FBXL4: variants seen among roughly 807,000 people sequenced by gnomAD.
FBXL4 encodes the protein F-box/LRR-repeat protein 4.
Under a neutral mutation model 58.9 loss-of-function variants are expected in FBXL4, and 40 were observed. The observed-to-expected ratio is 0.68, with a 90% CI of 0.53 to 0.88. The LOEUF is 0.88. FBXL4 is among the 40% of genes least tolerant of loss of function. The probability of loss-of-function intolerance (pLI) is 0.00; values close to 1 mark genes in which losing one functional copy is unlikely to be tolerated. For synonymous variants in FBXL4, 263 were observed against 265.5 expected (o/e 0.99, Z 0.09); for missense variants, 676 against 734.4 (o/e 0.92, Z 0.92).
intron 1 of FBXL4, among the ~76,000 whole-genome samples, chr6:98,938,510 T>C (rs1425709708): frequency 6.6e-6 from 1 of 152,176 alleles, no homozygotes; most frequent in Non-Finnish European, 1.5e-5. Context: ...GACAAAGCAT[T>C]GATGAAATCA....
In FBXL4 at chr6:98,874,452, G is replaced by A. The variant is rs769278051; in HGVS notation, c.1703-11C>T. On this transcript the variant is annotated splice_polypyrimidine_tract_variant and intron_variant, in intron 9 of 9. Transcript: ENST00000369244. ...TTACCATTCTTGTTCCTATTTAAGGGAAACAAAACAAAACAAAACAAAACA... is the reference window on the plus strand; with the variant it reads ...TTACCATTCTTGTTCCTATTTAAGGAAAACAAAACAAAACAAAACAAAACA... The A allele has an allele frequency of 3.8e-6, 6 of 1,595,008 alleles. No homozygotes were observed. The South Asian group carries it at 5.7e-5, about 15-fold the overall frequency.
Position 98,917,461 on chromosome 6 carries a change from A to G in FBXL4, c.771T>C (p.Cys257=). 6.2e-7 allele frequency: 1 copy of G among 1,614,080 alleles called. No homozygotes were observed. Among genetic ancestry groups the G allele is most frequent in the African/African-American group, 1.3e-5 (1 of 75,040 alleles). The change falls in exon 5 of 10, where the codon TGT becomes TGC. Residue 257 remains cysteine (C), a synonymous_variant. Transcript: ENST00000369244. The part of the protein sequence containing the change: ...EDDAYAEKDG[C]GMDSLNKKFS... Reference sequence around the variant, plus strand: ...ACTTTTTGTTAAGACTGTCCATTCCACAACCATCCTTTTCTGCATAGGCAT... The same window carrying G: ...ACTTTTTGTTAAGACTGTCCATTCCGCAACCATCCTTTTCTGCATAGGCAT...
intron 8 of FBXL4, among the ~76,000 whole-genome samples, chr6:98,877,103 C>T (rs555789012): frequency 2.0e-5 from 3 of 152,078 alleles, no homozygotes; most frequent in South Asian, 4.1e-4. Context: ...TGAAGAAATC[C>T]GACAGATTTG....
At chr6:98,924,886 A>G (rs566065740) in intron 4 of FBXL4, among the ~76,000 whole-genome samples, 1 of 152,280 alleles carries the variant, frequency 6.6e-6, no homozygotes, top group East Asian at 1.9e-4. Context: ...CTACAGTTGA[A>G]CAGGTGCCCT....
intron 7 of FBXL4, among the ~76,000 whole-genome samples, chr6:98,891,149 C>T (rs1037316792): frequency 6.6e-6 from 1 of 152,110 alleles, no homozygotes; most frequent in South Asian, 2.1e-4. Flanking sequence ...ATAATATTGT[C>T]TTTCACAACT....
intron 7 of FBXL4, among the ~76,000 whole-genome samples, chr6:98,895,523 T>C (rs1771380117): frequency 6.6e-6 from 1 of 152,202 alleles, no homozygotes; most frequent in South Asian, 2.1e-4. Context: ...TGCTTTTATA[T>C]ATGTTATAAT....
chr6:98,922,014 G>A (rs888869350), intron 4 of FBXL4, among the ~76,000 whole-genome samples: 4 of 151,946 alleles, frequency 2.6e-5, no homozygotes, highest in Non-Finnish European at 4.4e-5. Context: ...TGCAACCTCC[G>A]CCTTCTGGTT....
intron 6 of FBXL4, among the ~76,000 whole-genome samples, chr6:98,901,336 A>G (rs1771603321): frequency 6.6e-6 from 1 of 152,034 alleles, no homozygotes; most frequent in African/African-American, 2.4e-5. Context: ...CAGGATAACA[A>G]GCAGAGTGAA....
chr6:98,872,381 T>C lies in FBXL4; in HGVS notation c.*1897A>G, dbSNP rs1770513998. 6.6e-6 allele frequency: 1 copy of C among 152,198 alleles called. No individual in the cohort carries two copies. Among genetic ancestry groups the C allele is most frequent in the Admixed American group, 6.5e-5 (1 of 15,284 alleles). 9.4% of individuals were successfully genotyped at this position (152,198 alleles called of 1,614,324 possible). On this transcript the variant is annotated 3_prime_UTR_variant, in exon 10 of 10. Transcript: ENST00000369244. ...ATGGATTAATGTAAGTATTTGACAA[T>C]ACCTATCTGCAAGGAATTTTCAGAA...
chr6:98,944,636 T>C (rs1397227346), intron 1 of FBXL4, among the ~76,000 whole-genome samples: 2 of 152,206 alleles, frequency 1.3e-5, no homozygotes, highest in Non-Finnish European at 2.9e-5. Flanking sequence ...GTGGTGTTTA[T>C]ATAGCAAATA....
At chr6:98,883,568 T>A (rs1422557273) in intron 7 of FBXL4, among the ~76,000 whole-genome samples, 1 of 152,004 alleles carries the variant, frequency 6.6e-6, no homozygotes, top group Non-Finnish European at 1.5e-5. Context: ...TTTTTGCACT[T>A]AGGTTTTTAA....
rs925773064 is a variant in FBXL4, at chr6:98,899,612, T to C, written c.1104-131A>G. 3.9e-5 allele frequency: 45 copies of C among 1,162,514 alleles called. No homozygotes were observed. In the East Asian group the frequency reaches 1.1e-3, roughly 27 times the overall value. 72.0% of individuals were successfully genotyped at this position (1,162,514 alleles called of 1,614,324 possible). ...TCTATTAGGGAAAATGTAAAATTTG[T>C]TTTGCTTAAATTCTTATTCACTGCA... On this transcript the variant is annotated intron_variant, in intron 6 of 9. Coordinates refer to ENST00000369244, the MANE Select transcript of FBXL4 (RefSeq NM_001278716.2).
At chr6:98,894,584 C>T (rs1771347899) in intron 7 of FBXL4, among the ~76,000 whole-genome samples, 4 of 152,188 alleles carry the variant, frequency 2.6e-5, no homozygotes, top group Admixed American at 2.6e-4. Context: ...CACCCTCCAA[C>T]TAAGGACAAG....
intron 7 of FBXL4, among the ~76,000 whole-genome samples, 191 bp from the exon 8 acceptor site, chr6:98,880,815 G>C (rs1010221773): frequency 1.3e-5 from 2 of 152,080 alleles, no homozygotes; most frequent in African/African-American, 4.8e-5. Context: ...TTGGAGTCAA[G>C]GTAATCATTA....
rs195831 is a variant in FBXL4, at chr6:98,880,854, G to A, written c.1318-230C>T. On this transcript the variant is annotated intron_variant, in intron 7 of 9. Transcript: ENST00000369244. ...GTCTCCATGTAAGTAATCACTTTGT[G>A]TATGGTTTTGGATGCCCTAAAGATA... Among the ~76,000 whole-genome samples, 104,376 of 151,998 alleles carry A rather than the reference G, an allele frequency of 0.69. 36,684 individuals are homozygous for A. The highest frequency in any genetic ancestry group is 0.84 in the African/African-American group (35,009 of 41,470).
intron 7 of FBXL4, among the ~76,000 whole-genome samples, chr6:98,888,822 A>G (rs1330311168): frequency 6.6e-6 from 1 of 152,216 alleles, no homozygotes; most frequent in Admixed American, 6.5e-5. Context: ...AACATACTCT[A>G]GGTGCATGCT....
chr6:98,910,825 C>T (rs552491743), intron 5 of FBXL4, among the ~76,000 whole-genome samples: 91 of 152,216 alleles, frequency 6.0e-4, no homozygotes, highest in African/African-American at 2.1e-3. Context: ...AGATAGTGGG[C>T]GCAGGACAGT....
chr6:98,933,044 CT>C (rs896327249), intron 2 of FBXL4, among the ~76,000 whole-genome samples: 5 of 152,096 alleles, frequency 3.3e-5, no homozygotes, highest in African/African-American at 4.8e-5. Context: ...CCTGCTGAAA[CT>C]GATCAAGACA....
intron 7 of FBXL4, among the ~76,000 whole-genome samples, chr6:98,888,931 T>C (rs1425309937): frequency 6.6e-6 from 1 of 152,222 alleles, no homozygotes; most frequent in Non-Finnish European, 1.5e-5. Flanking sequence ...CAAAACCCAA[T>C]GAATAACTTC....
Sources: gnomAD v4.1 joint callset for allele counts (sites outside exome capture counted in the v4.1 genomes callset) on GRCh38, gnomAD v4.1.1 for gene constraint, MANE v1.5 for transcripts, NCBI Gene and HGNC (gene_info 2026-07-23, HGNC 2026-07-21) for gene names.